AGBL4: variants seen among roughly 807,000 people sequenced by gnomAD.
The protein encoded by AGBL4 is AGBL carboxypeptidase 4, also known as cytosolic carboxypeptidase 6.
AGBL4 carries 58 observed loss-of-function variants against 66.4 expected under a neutral mutation model. The ratio of observed to expected loss-of-function variants is 0.87; its 90% CI spans 0.71 to 1.09. The LOEUF (loss-of-function observed/expected upper bound fraction) is 1.09. Among genes scored for constraint, AGBL4 ranks in the 50% least tolerant of loss-of-function variants. The pLI is 0.00. For missense variants in AGBL4, 579 were observed against 631.0 expected, an observed-to-expected ratio of 0.92 and a Z score of 0.88; for synonymous variants, 234 against 222.9, an observed-to-expected ratio of 1.05 and a Z score of -0.44.
chr1:48,657,203 G>A (rs1646034468), intron 7 of AGBL4, among the ~76,000 whole-genome samples: 1 of 152,182 alleles, frequency 6.6e-6, no homozygotes, highest in South Asian at 2.1e-4. Flanking sequence ...ACAAAGGGGA[G>A]AATAAGAATT....
chr1:49,562,660 T>C (rs191187202), intron 3 of AGBL4, among the ~76,000 whole-genome samples: 27 of 152,246 alleles, frequency 1.8e-4, no homozygotes, highest in Non-Finnish European at 2.9e-4. Context: ...TCTGTTCCAT[T>C]GGTCTATATC....
chr1:49,824,475 G>A (rs1370829577), intron 2 of AGBL4, among the ~76,000 whole-genome samples: 7 of 152,122 alleles, frequency 4.6e-5, no homozygotes, highest in African/African-American at 1.7e-4. Context: ...ACAAGGGAAG[G>A]CACATCAACA....
Position 49,245,865 on chromosome 1 carries a change from C to T in AGBL4, c.283-1G>A. 1 of 1,544,594 alleles carries T rather than the reference C, an allele frequency of 6.5e-7. No individual in the cohort carries two copies. The highest frequency in any genetic ancestry group is 8.8e-7 in the Non-Finnish European group (1 of 1,141,328). ...AGTTAACAATGTTGAAAATGACCCT[C>T]TGAAAAAGAAAGAGGGAGAAGTTCA... On this transcript the variant is annotated splice_acceptor_variant, in intron 3 of 13. Coordinates refer to ENST00000371839, the MANE Select transcript of AGBL4 (RefSeq NM_032785.4). LOFTEE classifies it high-confidence loss of function.
chr1:49,872,997 T>G (rs1646876285), intron 1 of AGBL4, among the ~76,000 whole-genome samples: 1 of 152,122 alleles, frequency 6.6e-6, no homozygotes, highest in East Asian at 1.9e-4. Context: ...TTCCCCTTTT[T>G]TCCCCATTTT....
In AGBL4 at chr1:49,378,960, A is replaced by C. The variant is rs148423268; in HGVS notation, c.283-133096T>G. Among the ~76,000 whole-genome samples the C allele has an allele frequency of 5.9e-4, 90 of 152,188 alleles. 2 individuals are homozygous for C. In the East Asian group the frequency reaches 0.017, roughly 29 times the overall value. ...AGGTTTTTTTTAAAAGGAAGGTATG[A>C]GCAGCACATCATTGTGGCCACCACC... On this transcript the variant is annotated intron_variant, in intron 3 of 13. Transcript: ENST00000371839.
chr1:48,811,736 C>A (rs1453809960), intron 6 of AGBL4, among the ~76,000 whole-genome samples: 1 of 152,012 alleles, frequency 6.6e-6, no homozygotes, highest in Non-Finnish European at 1.5e-5. Context: ...CCAACCCTCT[C>A]TACTAGAGTG....
intron 6 of AGBL4, among the ~76,000 whole-genome samples, chr1:48,805,149 C>T (rs1038705711): frequency 6.6e-6 from 1 of 152,104 alleles, no homozygotes; most frequent in Non-Finnish European, 1.5e-5. Context: ...TCAAAGTACT[C>T]ACGATTTAGT....
chr1:48,736,494 G>C lies in AGBL4; in HGVS notation c.635-73253C>G. 1.3e-6 allele frequency: 2 copies of C among 1,560,856 alleles called. No homozygotes were observed. The highest frequency in any genetic ancestry group is 1.8e-6 in the Non-Finnish European group (2 of 1,133,936). The stretch of plus-strand genomic sequence containing the variant: ...CACCAGCACCTGTTTAGTCCGACAG[G>C]AGGGCAGTGGGAGGCTTCTCTTGTC... On this transcript the variant is annotated intron_variant, in intron 6 of 13. Coordinates refer to ENST00000371839, the MANE Select transcript of AGBL4 (RefSeq NM_032785.4). This position sits in a 1 kb window ranked among gnomAD's most constrained non-coding sequence, Gnocchi z 4.0.
intron 2 of AGBL4, among the ~76,000 whole-genome samples, chr1:49,745,871 A>C (rs74975062): frequency 0.011 from 1,665 of 152,074 alleles, 27 homozygotes; most frequent in African/African-American, 0.038. Flanking sequence ...CAACAAAAAA[A>C]CCCAACTAGA....
chr1:48,870,191 C>T (rs910086052), intron 5 of AGBL4, among the ~76,000 whole-genome samples: 1 of 151,952 alleles, frequency 6.6e-6, no homozygotes, highest in African/African-American at 2.4e-5. Flanking sequence ...TTTGTTCTTC[C>T]AATGCATCTT....
At chr1:49,939,491 G>T (rs1227498994) in intron 1 of AGBL4, among the ~76,000 whole-genome samples, 1 of 151,724 alleles carries the variant, frequency 6.6e-6, no homozygotes, top group Non-Finnish European at 1.5e-5. Context: ...CATGGTACTG[G>T]TACCAAAACA....
intron 1 of AGBL4, among the ~76,000 whole-genome samples, chr1:49,960,231 G>T (rs945901259): frequency 6.6e-6 from 1 of 151,754 alleles, no homozygotes; most frequent in Admixed American, 6.6e-5. Context: ...AGTACTATTC[G>T]CCCATAAAAA....
chr1:48,841,201 A>G (rs999508783), intron 6 of AGBL4, among the ~76,000 whole-genome samples: 5 of 152,108 alleles, frequency 3.3e-5, no homozygotes, highest in Admixed American at 1.3e-4. Flanking sequence ...CAGTTACTCA[A>G]ATATATACCT....
chr1:48,543,273 A>G (rs1017682492), intron 11 of AGBL4, among the ~76,000 whole-genome samples: 2 of 152,150 alleles, frequency 1.3e-5, no homozygotes, highest in African/African-American at 4.8e-5. Flanking sequence ...GGTTGGTCCT[A>G]GAGGATCAGT....
intron 3 of AGBL4, among the ~76,000 whole-genome samples, chr1:49,454,222 T>C (rs753758622): frequency 5.3e-5 from 8 of 151,726 alleles, no homozygotes; most frequent in African/African-American, 1.4e-4. Flanking sequence ...CAGCAGAGCA[T>C]TGAGATGGCA....
intron 11 of AGBL4, among the ~76,000 whole-genome samples, chr1:48,543,730 C>A (rs1350248245): frequency 6.6e-6 from 1 of 152,194 alleles, no homozygotes; most frequent in Non-Finnish European, 1.5e-5. Flanking sequence ...TTCAAGAAGT[C>A]CCCAAGCTGG....
intron 5 of AGBL4, among the ~76,000 whole-genome samples, chr1:49,003,907 T>A (rs1295340673): frequency 6.6e-6 from 1 of 152,212 alleles, no homozygotes; most frequent in Non-Finnish European, 1.5e-5. Flanking sequence ...CCTACAAGGC[T>A]CTTGGAGCCA....
chr1:49,448,333 T>A (rs1461510532), intron 3 of AGBL4, among the ~76,000 whole-genome samples: 1 of 152,174 alleles, frequency 6.6e-6, no homozygotes, highest in Non-Finnish European at 1.5e-5. Flanking sequence ...TGTGTTTATG[T>A]TGGCTTCCTT....
chr1:49,324,323 C>T (rs1024820850), intron 3 of AGBL4, among the ~76,000 whole-genome samples: 2 of 152,230 alleles, frequency 1.3e-5, no homozygotes, highest in African/African-American at 4.8e-5. Flanking sequence ...GCATTGGGTT[C>T]AGCACAGAGA....
Sources: gnomAD v4.1 joint callset for allele counts (sites outside exome capture counted in the v4.1 genomes callset) on GRCh38, gnomAD v4.1.1 for gene constraint, Gnocchi (gnomAD v3.1) non-coding constraint, MANE v1.5 for transcripts, NCBI Gene and HGNC (gene_info 2026-07-23, HGNC 2026-07-21) for gene names.